Variants in NALCN observed in about 807,000 individuals in gnomAD.
The protein encoded by NALCN is sodium leak channel NALCN.
In NALCN, 111 loss-of-function variants were observed where a neutral mutation model predicts 225.3. The ratio of observed to expected loss-of-function variants is 0.49; its 90% CI spans 0.42 to 0.58. The LOEUF is 0.58. Among genes scored for constraint, NALCN ranks in the 20% least tolerant of loss-of-function variants. NALCN has a pLI of 0.00. For missense variants in NALCN, 1,378 were observed against 2,202.4 expected, an observed-to-expected ratio of 0.63 and a Z score of 7.49; for synonymous variants, 764 against 769.0, an observed-to-expected ratio of 0.99 and a Z score of 0.11.
intron 10 of NALCN, among the ~76,000 whole-genome samples, chr13:101,270,701 T>A (rs939717880): frequency 1.3e-5 from 2 of 152,226 alleles, no homozygotes; most frequent in Admixed American, 1.3e-4. Flanking sequence ...TGTCTAAACC[T>A]GTCAGCAGCT....
chr13:101,090,305 G>A (rs896488296), intron 28 of NALCN, among the ~76,000 whole-genome samples: 1 of 152,146 alleles, frequency 6.6e-6, no homozygotes, highest in African/African-American at 2.4e-5. Context: ...ACCTTGTCCT[G>A]ATTACCCTGA....
At chr13:101,273,297 A>G (rs2042860601) in intron 10 of NALCN, among the ~76,000 whole-genome samples, 1 of 152,196 alleles carries the variant, frequency 6.6e-6, no homozygotes, top group Non-Finnish European at 1.5e-5. Flanking sequence ...CAAGCACTGG[A>G]GTGACCCTTC....
intron 4 of NALCN, 70 bp downstream of exon 4, chr13:101,378,500 T>C (rs2046756238): frequency 8.5e-7 from 1 of 1,172,690 alleles, no homozygotes; most frequent in East Asian, 2.5e-5. Context: ...TATTTCTATT[T>C]AGACTTTTAA....
At chr13:101,197,334 C>A (rs188043204) in intron 13 of NALCN, among the ~76,000 whole-genome samples, 4 of 150,950 alleles carry the variant, frequency 2.6e-5, no homozygotes, top group Admixed American at 2.6e-4. Context: ...CTTCATCTTT[C>A]TCTTCTTTTC....
At chr13:101,320,853 T>C (rs986424317) in intron 7 of NALCN, among the ~76,000 whole-genome samples, 1 of 152,190 alleles carries the variant, frequency 6.6e-6, no homozygotes, top group East Asian at 1.9e-4. Flanking sequence ...TCCTTTTATT[T>C]GATTCTAACA....
intron 15 of NALCN, among the ~76,000 whole-genome samples, chr13:101,173,091 G>A (rs185586823): frequency 1.6e-3 from 246 of 152,318 alleles, no homozygotes; most frequent in African/African-American, 5.6e-3. Flanking sequence ...GTTTGCCATC[G>A]CGCAGCAAGA....
chr13:101,365,388 C>T (rs1253556601), intron 6 of NALCN, among the ~76,000 whole-genome samples: 2 of 152,128 alleles, frequency 1.3e-5, no homozygotes, highest in Non-Finnish European at 2.9e-5. Flanking sequence ...CATTCTTTCT[C>T]ATGGCTGCAT....
chr13:101,159,754 T>A (rs930807011), intron 15 of NALCN, among the ~76,000 whole-genome samples: 1 of 152,040 alleles, frequency 6.6e-6, no homozygotes, highest in Non-Finnish European at 1.5e-5. Context: ...AAGTGCCAGC[T>A]TGGATGACAT....
chr13:101,214,475 A>G (rs762652274), intron 13 of NALCN, among the ~76,000 whole-genome samples: 5 of 151,234 alleles, frequency 3.3e-5, no homozygotes, highest in African/African-American at 4.9e-5. Context: ...CTGAGAGTCC[A>G]TGGAGTACTG....
intron 13 of NALCN, among the ~76,000 whole-genome samples, chr13:101,215,328 G>C (rs1208373590): frequency 1.3e-5 from 2 of 152,052 alleles, no homozygotes; most frequent in African/African-American, 4.8e-5. Flanking sequence ...AGTACTGTTT[G>C]GATTTACAAT....
At chr13:101,388,086 T>C (rs768334785) in intron 3 of NALCN, among the ~76,000 whole-genome samples, 1 of 152,148 alleles carries the variant, frequency 6.6e-6, no homozygotes, top group Non-Finnish European at 1.5e-5. Context: ...AGATTTAATA[T>C]CATGAAAATG....
In NALCN at chr13:101,356,850, C is replaced by T. The variant is rs536051449; in HGVS notation, c.645-11430G>A. 9.9e-5 allele frequency among the ~76,000 whole-genome samples: 15 copies of T among 152,224 alleles called. No homozygotes were observed. The South Asian group carries it at 2.3e-3, about 23-fold the overall frequency. On this transcript the variant is annotated intron_variant, in intron 6 of 43. Coordinates refer to ENST00000251127, the MANE Select transcript of NALCN (RefSeq NM_052867.4). Reference sequence around the variant, plus strand: ...AAAAGCTTACCCACCACAATCAAGTCGGCTTCATCCCTGAAGTGTAAGGCT... The same window carrying T: ...AAAAGCTTACCCACCACAATCAAGTTGGCTTCATCCCTGAAGTGTAAGGCT...
chr13:101,403,817 T>C (rs545035855), intron 1 of NALCN, among the ~76,000 whole-genome samples: 1 of 152,330 alleles, frequency 6.6e-6, no homozygotes, highest in East Asian at 1.9e-4. Context: ...GGTGGGTTTT[T>C]ATCTCTTTGC....
At chr13:101,408,088 C>T (rs930744068) in intron 1 of NALCN, among the ~76,000 whole-genome samples, 2 of 152,142 alleles carry the variant, frequency 1.3e-5, no homozygotes, top group Admixed American at 1.3e-4. Context: ...CACGAGGGAG[C>T]CAGGTCTTTC....
intron 7 of NALCN, among the ~76,000 whole-genome samples, chr13:101,325,622 A>C (rs1448647781): frequency 2.6e-5 from 4 of 152,120 alleles, no homozygotes; most frequent in African/African-American, 9.7e-5. Context: ...TTCTTTGTTC[A>C]TCATCCAGGC....
chr13:101,110,357 C>T (rs1374657506), intron 20 of NALCN, among the ~76,000 whole-genome samples: 1 of 152,182 alleles, frequency 6.6e-6, no homozygotes, highest in Non-Finnish European at 1.5e-5. Flanking sequence ...CAAGTCAAAT[C>T]CAACTGATAA....
intron 2 of NALCN, among the ~76,000 whole-genome samples, chr13:101,397,111 C>T (rs9557634): frequency 0.019 from 771 of 40,480 alleles, 3 homozygotes; most frequent in East Asian, 0.034. Context: ...TATATATATA[C>T]ATACACATAC....
intron 34 of NALCN, among the ~76,000 whole-genome samples, chr13:101,077,123 G>A (rs1156774218): frequency 6.6e-6 from 1 of 152,130 alleles, no homozygotes; most frequent in African/African-American, 2.4e-5. Flanking sequence ...GGAGAAAGAT[G>A]TGTTTGCTTC....
intron 10 of NALCN, among the ~76,000 whole-genome samples, chr13:101,268,110 C>A (rs868836383): frequency 6.5e-4 from 99 of 152,132 alleles, no homozygotes; most frequent in African/African-American, 2.2e-3. Context: ...TGGATGGAGG[C>A]ATCAAAAATT....
Sources: allele counts gnomAD v4.1 joint callset (sites outside exome capture counted in the v4.1 genomes callset), GRCh38; gene constraint gnomAD v4.1.1; transcripts MANE v1.5; gene names NCBI Gene and HGNC (gene_info 2026-07-23, HGNC 2026-07-21).